Variants in ZFPM2 observed in about 807,000 individuals in gnomAD.
ZFPM2 encodes zinc finger protein, FOG family member 2.
In ZFPM2, 20 loss-of-function variants were observed where a neutral mutation model predicts 98.6. The observed-to-expected ratio is 0.20, with a 90% CI of 0.14 to 0.29. The LOEUF (loss-of-function observed/expected upper bound fraction) is 0.29, where lower values mean the gene tolerates loss of function less well. Ranked by LOEUF, ZFPM2 falls within the 10% of genes least tolerant of loss-of-function variation. ZFPM2 has a pLI of 1.00. For synonymous variants in ZFPM2, 518 were observed against 502.7 expected (o/e 1.03, Z -0.41); for missense variants, 1,310 against 1,388.6 (o/e 0.94, Z 0.90).
At chr8:105,321,337 A>C (rs1156676941) in intron 1 of ZFPM2, among the ~76,000 whole-genome samples, 1 of 152,232 alleles carries the variant, frequency 6.6e-6, no homozygotes, top group African/African-American at 2.4e-5. Context: ...TTTCTATTAC[A>C]AACAACACTG....
At chr8:105,800,223 T>C (rs1813960424) in intron 7 of ZFPM2, among the ~76,000 whole-genome samples, 1 of 152,188 alleles carries the variant, frequency 6.6e-6, no homozygotes, top group South Asian at 2.1e-4. Context: ...AAGGCAGTCT[T>C]ATTCTAGTCC....
At chr8:105,713,121 A>C (rs1322784960) in intron 5 of ZFPM2, among the ~76,000 whole-genome samples, 1 of 152,116 alleles carries the variant, frequency 6.6e-6, no homozygotes, top group Admixed American at 6.6e-5. Context: ...ACTGCTTTCT[A>C]TAGTGACTGA....
chr8:105,382,942 C>A (rs1454858055), intron 1 of ZFPM2, among the ~76,000 whole-genome samples: 1 of 151,742 alleles, frequency 6.6e-6, no homozygotes, highest in Non-Finnish European at 1.5e-5. Context: ...CTTTGGAAAT[C>A]TAATATCTAG....
rs1235514220 is a variant in ZFPM2, at chr8:105,466,338, CAT to C, written c.301+21958_301+21959del. 3.9e-5 allele frequency among the ~76,000 whole-genome samples: 6 copies of C among 152,032 alleles called. No homozygotes were observed. The East Asian group carries it at 1.2e-3, about 29-fold the overall frequency. ...TATAGGATTAAACTATTTTAATGCA[CAT>C]GTGTTGAATATTTTTAAAACAGTTT... On this transcript the variant is annotated intron_variant, in intron 3 of 7. Coordinates refer to ENST00000407775, the MANE Select transcript of ZFPM2 (RefSeq NM_012082.4).
At chr8:105,412,278 T>C (rs1811591768) in intron 1 of ZFPM2, among the ~76,000 whole-genome samples, 1 of 151,820 alleles carries the variant, frequency 6.6e-6, no homozygotes, top group African/African-American at 2.4e-5. Flanking sequence ...TCTAATATCT[T>C]TTTTTGCATT....
chr8:105,451,287 T>G (rs1812479505), intron 3 of ZFPM2, among the ~76,000 whole-genome samples: 1 of 152,130 alleles, frequency 6.6e-6, no homozygotes, highest in African/African-American at 2.4e-5. Flanking sequence ...ATGGATACAG[T>G]GTCAAATTTT....
chr8:105,452,637 AG>A (rs1812508054), intron 3 of ZFPM2, among the ~76,000 whole-genome samples: 1 of 152,018 alleles, frequency 6.6e-6, no homozygotes, highest in Non-Finnish European at 1.5e-5. Context: ...CTGTGGTCCA[AG>A]CTACTTGGGA....
At chr8:105,779,855 G>A (rs1262293411) in intron 5 of ZFPM2, among the ~76,000 whole-genome samples, 1 of 152,150 alleles carries the variant, frequency 6.6e-6, no homozygotes, top group African/African-American at 2.4e-5. Context: ...TAAGGCCACT[G>A]CTTCTAGTAA....
At chr8:105,741,215 T>G (rs1457141023) in intron 5 of ZFPM2, among the ~76,000 whole-genome samples, 1 of 152,026 alleles carries the variant, frequency 6.6e-6, no homozygotes. Context: ...GATATTCAAG[T>G]AAGACAAGGT....
intron 5 of ZFPM2, among the ~76,000 whole-genome samples, chr8:105,788,038 A>G (rs1349503187): frequency 2.6e-5 from 4 of 152,184 alleles, no homozygotes; most frequent in African/African-American, 9.6e-5. Context: ...GCCTTTTTGA[A>G]AAGGATTTTT....
chr8:105,541,357 C>G (rs1242644635), intron 3 of ZFPM2, among the ~76,000 whole-genome samples: 1 of 152,118 alleles, frequency 6.6e-6, no homozygotes, highest in Admixed American at 6.6e-5. Context: ...AATAGCAAAG[C>G]TGGAATTCAG....
At chr8:105,564,062 T>A (rs1346447300) in intron 4 of ZFPM2, among the ~76,000 whole-genome samples, 1 of 152,126 alleles carries the variant, frequency 6.6e-6, no homozygotes, top group Admixed American at 6.5e-5. Context: ...AAGTTTGATT[T>A]TTTTATTTTT....
chr8:105,641,686 A>G (rs951862719), intron 5 of ZFPM2, among the ~76,000 whole-genome samples: 8 of 152,078 alleles, frequency 5.3e-5, no homozygotes, highest in African/African-American at 9.7e-5. Context: ...TGTTATTTCA[A>G]TCTGAGTCTG....
At position 105,340,820 on chromosome 8, in the gene ZFPM2, G is replaced by A. The variant is rs1475630002; in HGVS notation, c.40+21839G>A. Among the ~76,000 whole-genome samples the A allele has an allele frequency of 2.6e-5, 4 of 151,932 alleles. No individual in the cohort carries two copies. In the East Asian group the frequency reaches 5.8e-4, roughly 22 times the overall value. On this transcript the variant is annotated intron_variant, in intron 1 of 7. Transcript: ENST00000407775. The stretch of plus-strand genomic sequence containing the variant: ...CAATAAACACAATAACTCAGTGAAT[G>A]TGCAATGCAATTTCAGATTGGCATA...
At chr8:105,560,445 A>G (rs550689797) in intron 3 of ZFPM2, among the ~76,000 whole-genome samples, 5 of 152,180 alleles carry the variant, frequency 3.3e-5, no homozygotes, top group East Asian at 3.9e-4. Context: ...ACATTTTAGT[A>G]TGGTGATATG....
chr8:105,542,356 T>C (rs1399859802), intron 3 of ZFPM2, among the ~76,000 whole-genome samples: 12 of 152,184 alleles, frequency 7.9e-5, no homozygotes, highest in Non-Finnish European at 2.9e-5. Flanking sequence ...TGTTTTTATC[T>C]ATAGCGAGAT....
At chr8:105,705,796 C>T (rs549061843) in intron 5 of ZFPM2, among the ~76,000 whole-genome samples, 3 of 152,176 alleles carry the variant, frequency 2.0e-5, no homozygotes, top group East Asian at 3.9e-4. Flanking sequence ...ATAGAAGAAG[C>T]GTCAAAACTC....
At chr8:105,483,416 C>T (rs1393615600) in intron 3 of ZFPM2, among the ~76,000 whole-genome samples, 10 of 151,474 alleles carry the variant, frequency 6.6e-5, no homozygotes, top group Non-Finnish European at 1.2e-4. Context: ...ATGGTGAAAC[C>T]CCATCTCTAC....
At chr8:105,319,438 G>C (rs1171017449) in intron 1 of ZFPM2, 1 of 152,870 alleles carries the variant, frequency 6.5e-6, no homozygotes, top group Non-Finnish European at 1.5e-5. Flanking sequence ...AGACCTCGGG[G>C]CGAGGGAGGT....
Sources: allele counts gnomAD v4.1 joint callset (sites outside exome capture counted in the v4.1 genomes callset), GRCh38; gene constraint gnomAD v4.1.1; transcripts MANE v1.5; gene names NCBI Gene and HGNC (gene_info 2026-07-23, HGNC 2026-07-21).